UNC45B: variants seen among roughly 807,000 people sequenced by gnomAD.
UNC45B encodes unc-45 myosin chaperone B, also known as protein unc-45 homolog B.
In UNC45B, 78 loss-of-function variants were observed where a neutral mutation model predicts 98.7. That is an observed-to-expected ratio of 0.79 (90% confidence interval 0.66 to 0.95). UNC45B has a LOEUF of 0.95. Among genes scored for constraint, UNC45B ranks in the 40% least tolerant of loss-of-function variants. UNC45B has a pLI of 0.00. For synonymous variants in UNC45B, 462 were observed against 480.4 expected (o/e 0.96, Z 0.50); for missense variants, 1,225 against 1,184.9 (o/e 1.03, Z -0.50).
At position 35,170,151 on chromosome 17, in the gene UNC45B, C is replaced by T. The variant is rs749063483; in HGVS notation, c.1585C>T (p.Arg529Cys). 12 of 1,613,508 alleles carry T rather than the reference C, an allele frequency of 7.4e-6. No individual in the cohort carries two copies. The highest frequency in any genetic ancestry group is 1.6e-4 in the Middle Eastern group (1 of 6,080). Residue 529 changes from arginine (R) to cysteine (C), a missense_variant, in exon 12 of 20, where the codon CGC (arginine) becomes TGC (cysteine). Coordinates refer to ENST00000394570, the MANE Select transcript of UNC45B (RefSeq NM_001267052.2). ...TATGTCCATAGACACTCGGACCCGA[C>T]GCTGGGCAGTGGAGGGCCTGGCCTA... ...CNMSIDTRTR[R>C]WAVEGLAYLT... is the part of the protein sequence containing the mutation.
intron 9 of UNC45B, among the ~76,000 whole-genome samples, chr17:35,166,365 T>G (rs2092141373): frequency 6.6e-6 from 1 of 152,160 alleles, no homozygotes; most frequent in Non-Finnish European, 1.5e-5. Flanking sequence ...TTTGGTTCAC[T>G]TAGGTCTTTT....
At chr17:35,174,723 G>C (rs1424107256) in intron 14 of UNC45B, among the ~76,000 whole-genome samples, 1 of 152,056 alleles carries the variant, frequency 6.6e-6, no homozygotes, top group East Asian at 1.9e-4. Flanking sequence ...GGGAGGCTGA[G>C]GCAGGAGGAT....
intron 9 of UNC45B, chr17:35,164,462 G>C (rs1364884308): frequency 3.9e-5 from 10 of 254,692 alleles, no homozygotes; most frequent in Non-Finnish European, 7.5e-5. Flanking sequence ...GGGAGGCCTT[G>C]GTTCCTCTCC....
chr17:35,167,430 G>A (rs2092148817), intron 9 of UNC45B, among the ~76,000 whole-genome samples: 1 of 152,024 alleles, frequency 6.6e-6, no homozygotes, highest in Non-Finnish European at 1.5e-5. Flanking sequence ...GATCAGCTTG[G>A]GCAACATAGC....
rs377765200 is a variant in UNC45B at position 35,155,295 on chromosome 17, G to A, written c.640-1G>A. 24 of 1,613,636 alleles carry A rather than the reference G, an allele frequency of 1.5e-5. No individual in the cohort carries two copies. The highest frequency in any genetic ancestry group is 2.2e-5 in the East Asian group (1 of 44,894). On this transcript the variant is annotated splice_acceptor_variant, in intron 6 of 19. Coordinates refer to ENST00000394570, the MANE Select transcript of UNC45B (RefSeq NM_001267052.2). LOFTEE classifies it high-confidence loss of function. ...GACCATGGTTCTTGCTGGGGTTCTA[G>A]GCCACAGTGATTCTGCATGCAGTGC...
intron 8 of UNC45B, among the ~76,000 whole-genome samples, chr17:35,160,021 A>C (rs2092091704): frequency 6.6e-6 from 1 of 152,242 alleles, no homozygotes; most frequent in Non-Finnish European, 1.5e-5. Context: ...GAGAGGAAAC[A>C]CAGAATCACA....
chr17:35,154,704 G>T lies in UNC45B; in HGVS notation c.602G>T (p.Arg201Leu). The stretch of plus-strand genomic sequence containing the variant: ...CCTGAGCTGGTGCTGGCTGCAGTGC[G>T]GACCCTGTCGGGCATGTGCAGCGGC... ...KKPELVLAAV[R>L]TLSGMCSGHQ... Residue 201 changes from arginine to leucine, a missense_variant, in exon 6 of 20, where the codon CGG becomes CTG. Coordinates refer to ENST00000394570, the MANE Select transcript of UNC45B (RefSeq NM_001267052.2). 1 of 1,606,304 alleles carries T rather than the reference G, an allele frequency of 6.2e-7. No homozygotes were observed. Among genetic ancestry groups the T allele is most frequent in the Non-Finnish European group, 8.5e-7 (1 of 1,177,776 alleles).
At chr17:35,165,132 G>A (rs1192102820) in intron 9 of UNC45B, among the ~76,000 whole-genome samples, 3 of 152,162 alleles carry the variant, frequency 2.0e-5, no homozygotes, top group African/African-American at 2.4e-5. Flanking sequence ...CCAAAGTGCC[G>A]GGATTACAGG....
intron 10 of UNC45B, among the ~76,000 whole-genome samples, 159 bp downstream of exon 10, chr17:35,168,520 A>G (rs913005672): frequency 1.3e-5 from 2 of 152,114 alleles, no homozygotes; most frequent in African/African-American, 4.8e-5. Flanking sequence ...GGCAATATCC[A>G]GGGGGCTTGT....
chr17:35,183,287 T>C (rs2092284396), intron 18 of UNC45B, 140 bp from the exon 19 acceptor site: 7 of 888,700 alleles, frequency 7.9e-6, no homozygotes, highest in Non-Finnish European at 1.1e-5. Flanking sequence ...GAAGGCTTCT[T>C]GGGGGAGGTA....
At chr17:35,168,037 GA>G (rs776491527) in intron 9 of UNC45B, 23 bp from the exon 10 acceptor site, 6 of 1,430,668 alleles carry the variant, frequency 4.2e-6, no homozygotes, top group Non-Finnish European at 3.7e-6. Context: ...CAGTTCTCTT[GA>G]CCACCCTTGT....
intron 13 of UNC45B, among the ~76,000 whole-genome samples, chr17:35,172,971 G>A (rs1448080776): frequency 6.6e-6 from 1 of 152,204 alleles, no homozygotes; most frequent in Non-Finnish European, 1.5e-5. Context: ...AGGCAAGGAA[G>A]AAGAGAGGAG....
At chr17:35,149,561 C>T (rs992587058) in intron 3 of UNC45B, among the ~76,000 whole-genome samples, 14 of 152,166 alleles carry the variant, frequency 9.2e-5, no homozygotes, top group Admixed American at 7.9e-4. Context: ...GGATTATAGG[C>T]GTCTGCCACC....
chr17:35,155,813 G>T (rs1019975570), intron 7 of UNC45B, among the ~76,000 whole-genome samples: 2 of 152,130 alleles, frequency 1.3e-5, no homozygotes, highest in Non-Finnish European at 2.9e-5. Flanking sequence ...CAGGTGATCT[G>T]CCTGCCTTGG....
Position 35,159,540 on chromosome 17 carries a change from A to G in UNC45B, c.974A>G (p.Asp325Gly). 1 of 1,613,376 alleles carries G rather than the reference A, an allele frequency of 6.2e-7. No individual in the cohort carries two copies. Among genetic ancestry groups the G allele is most frequent in the South Asian group, 1.1e-5 (1 of 90,968 alleles). The change falls in exon 8 of 20, where the codon GAT becomes GGT. Residue 325 changes from aspartate to glycine, a missense_variant. Transcript: ENST00000394570. ...HDNSRTIYVV[D>G]NGLRKILKVV... ...AACTCACGTACCATCTATGTGGTGGATAATGGTGAGAAGAGGGGAAGGTTT... is the reference window on the plus strand; with the variant it reads ...AACTCACGTACCATCTATGTGGTGGGTAATGGTGAGAAGAGGGGAAGGTTT...
chr17:35,180,280 G>A (rs540461926), intron 17 of UNC45B, among the ~76,000 whole-genome samples: 66 of 152,068 alleles, frequency 4.3e-4, no homozygotes, highest in Admixed American at 1.2e-3. Context: ...GAGAGAGAGA[G>A]AGAGAGAGAA....
intron 18 of UNC45B, among the ~76,000 whole-genome samples, chr17:35,181,878 GC>G (rs1443835474): frequency 5.3e-5 from 8 of 152,010 alleles, no homozygotes; most frequent in Non-Finnish European, 1.2e-4. Context: ...TGGGCTGGGG[GC>G]CTGGCAGCCA....
intron 7 of UNC45B, among the ~76,000 whole-genome samples, chr17:35,156,043 T>C (rs1462707908): frequency 1.3e-5 from 2 of 152,152 alleles, no homozygotes; most frequent in South Asian, 2.1e-4. Flanking sequence ...ATTTGACACA[T>C]GCAACAACGT....
chr17:35,183,726 G>A, intron 19 of UNC45B, 144 bp downstream of exon 19: 1 of 920,208 alleles, frequency 1.1e-6, no homozygotes, highest in South Asian at 3.5e-5. Flanking sequence ...TACTGCCTAA[G>A]GAGAGGAGGG....
Sources: allele counts gnomAD v4.1 joint callset (sites outside exome capture counted in the v4.1 genomes callset), GRCh38; gene constraint gnomAD v4.1.1; transcripts MANE v1.5; gene names NCBI Gene and HGNC (gene_info 2026-07-23, HGNC 2026-07-21).